Variants in GALNT13 observed in about 807,000 individuals in gnomAD.
The protein encoded by GALNT13 is polypeptide N-acetylgalactosaminyltransferase 13.
GALNT13 carries 28 observed loss-of-function variants against 64.2 expected under a neutral mutation model. The observed-to-expected ratio is 0.44, with a 90% CI of 0.32 to 0.60. The LOEUF (loss-of-function observed/expected upper bound fraction) is 0.60. GALNT13 is among the 20% of genes least tolerant of loss of function. The probability of loss-of-function intolerance (pLI) is 0.05; values close to 1 mark genes in which losing one functional copy is unlikely to be tolerated. For missense variants in GALNT13, 577 were observed against 669.8 expected (o/e 0.86, Z 1.53); for synonymous variants, 214 against 224.6 (o/e 0.95, Z 0.42).
At position 154,435,207 on chromosome 2, in the gene GALNT13, G is replaced by C. The variant is rs116155332; in HGVS notation, c.1396-3385G>C. On this transcript the variant is annotated intron_variant, in intron 11 of 12. Transcript: ENST00000392825. ...GCAATTTGAGAGATAATTAGAAAAGGAAGAAGAATAGTTTCCATTATTTTA... is the reference window on the plus strand; with the variant it reads ...GCAATTTGAGAGATAATTAGAAAAGCAAGAAGAATAGTTTCCATTATTTTA... Among the ~76,000 whole-genome samples, 1,340 of 152,288 alleles carry C rather than the reference G, an allele frequency of 8.8e-3. 8 individuals are homozygous for C. The highest frequency in any genetic ancestry group is 0.015 in the Admixed American group (231 of 15,290).
intron 2 of GALNT13, among the ~76,000 whole-genome samples, chr2:153,909,279 C>A (rs1596634): frequency 0.7 from 106,688 of 151,932 alleles, 37,788 homozygotes; most frequent in East Asian, 0.9. Context: ...AATTTTTGTA[C>A]ATTGACTTTT....
the GALNT13 span, among the ~76,000 whole-genome samples, chr2:153,340,660 A>G: frequency 6.6e-6 from 1 of 151,120 alleles, no homozygotes; most frequent in Non-Finnish European, 1.5e-5. Context: ...ATCTCAGAAA[A>G]AAAAAAAAGT....
intron 9 of GALNT13, among the ~76,000 whole-genome samples, chr2:154,343,257 A>G (rs1574122560): frequency 6.6e-6 from 1 of 152,038 alleles, no homozygotes; most frequent in Non-Finnish European, 1.5e-5. Flanking sequence ...TTTAAAAAGA[A>G]AATGTTAAGG....
At chr2:153,818,227 C>CCCCCGAG in the GALNT13 span, among the ~76,000 whole-genome samples, 1 of 152,132 alleles carries the variant, frequency 6.6e-6, no homozygotes, top group Non-Finnish European at 1.5e-5. Context: ...CGAGGGACTC[C>CCCCCGAG]GGATTGACAA....
At chr2:153,405,692 T>C in the GALNT13 span, among the ~76,000 whole-genome samples, 8 of 152,156 alleles carry the variant, frequency 5.3e-5, no homozygotes, top group Non-Finnish European at 1.0e-4. Context: ...CATATTAGAA[T>C]TTCTGCTAGT....
intron 9 of GALNT13, among the ~76,000 whole-genome samples, chr2:154,382,229 C>G (rs1474113114): frequency 1.3e-5 from 2 of 151,970 alleles, no homozygotes; most frequent in Admixed American, 6.6e-5. Flanking sequence ...TATCTTGAAA[C>G]AAATATAAAG....
At chr2:154,436,440 AG>A (rs1453169622) in intron 11 of GALNT13, 12 of 152,370 alleles carry the variant, frequency 7.9e-5, no homozygotes, top group African/African-American at 2.9e-4. Flanking sequence ...CTGAGCCATT[AG>A]AAAATTAAGG....
chr2:153,730,556 G>T, the GALNT13 span, among the ~76,000 whole-genome samples: 1 of 151,652 alleles, frequency 6.6e-6, no homozygotes, highest in Non-Finnish European at 1.5e-5. Context: ...AGACAAATGG[G>T]ATTTAATTAA....
intron 9 of GALNT13, among the ~76,000 whole-genome samples, chr2:154,354,233 AT>A (rs1696584740): frequency 1.3e-5 from 2 of 151,970 alleles, no homozygotes; most frequent in South Asian, 4.1e-4. Context: ...TCTTTTGCAC[AT>A]TTTTTAATTG....
At chr2:154,233,446 G>A (rs1382166459) in intron 4 of GALNT13, among the ~76,000 whole-genome samples, 1 of 152,136 alleles carries the variant, frequency 6.6e-6, no homozygotes, top group Non-Finnish European at 1.5e-5. Context: ...TTACCCTCCT[G>A]AGAATGAGGC....
intron 9 of GALNT13, among the ~76,000 whole-genome samples, chr2:154,354,298 C>T (rs540733447): frequency 3.3e-5 from 5 of 151,790 alleles, no homozygotes; most frequent in African/African-American, 4.8e-5. Context: ...ATATCAATCC[C>T]TTATCAGATA....
At chr2:154,207,007 C>T (rs904394662) in intron 4 of GALNT13, among the ~76,000 whole-genome samples, 1 of 152,074 alleles carries the variant, frequency 6.6e-6, no homozygotes, top group Non-Finnish European at 1.5e-5. Flanking sequence ...TCCTGTTATC[C>T]TTCTCTCCAT....
chr2:153,525,556 G>A, the GALNT13 span, among the ~76,000 whole-genome samples: 1 of 152,152 alleles, frequency 6.6e-6, no homozygotes, highest in Non-Finnish European at 1.5e-5. Flanking sequence ...GGTGGGATTT[G>A]ATTTTCACTG....
intron 2 of GALNT13, among the ~76,000 whole-genome samples, chr2:153,911,173 G>A (rs970586089): frequency 7.9e-5 from 12 of 151,916 alleles, no homozygotes; most frequent in Admixed American, 2.0e-4. Context: ...ATTATGTAAT[G>A]CCCTCTTTTG....
the GALNT13 span, among the ~76,000 whole-genome samples, chr2:153,774,190 TAATC>T: frequency 3.3e-5 from 5 of 152,222 alleles, no homozygotes; most frequent in African/African-American, 4.8e-5. Context: ...TTGATTAAAG[TAATC>T]AATAAATGTA....
At chr2:153,315,124 A>G in the GALNT13 span, among the ~76,000 whole-genome samples, 1 of 152,228 alleles carries the variant, frequency 6.6e-6, no homozygotes, top group African/African-American at 2.4e-5. Context: ...TTATAAGAGA[A>G]AGGGGACATT....
chr2:153,506,403 CT>C, the GALNT13 span, among the ~76,000 whole-genome samples: 1 of 151,810 alleles, frequency 6.6e-6, no homozygotes, highest in East Asian at 1.9e-4. Flanking sequence ...GCCTGAATAC[CT>C]TTTTTTCATT....
the GALNT13 span, among the ~76,000 whole-genome samples, chr2:153,468,006 C>A: frequency 6.6e-6 from 1 of 151,854 alleles, no homozygotes; most frequent in Non-Finnish European, 1.5e-5. Context: ...CATATAATTT[C>A]AATGAAACGC....
At chr2:153,384,367 G>A in the GALNT13 span, among the ~76,000 whole-genome samples, 3 of 151,968 alleles carry the variant, frequency 2.0e-5, no homozygotes, top group Admixed American at 6.6e-5. Context: ...TTAAAACTTC[G>A]TGTTCTTCAA....
Sources: allele counts gnomAD v4.1 joint callset (sites outside exome capture counted in the v4.1 genomes callset), GRCh38; gene constraint gnomAD v4.1.1; transcripts MANE v1.5; gene names NCBI Gene and HGNC (gene_info 2026-07-23, HGNC 2026-07-21).